GRAMD4: variants seen among roughly 807,000 people sequenced by gnomAD.
GRAMD4 encodes the protein GRAM domain-containing protein 4.
In GRAMD4, 25 loss-of-function variants were observed where a neutral mutation model predicts 83.9. The observed-to-expected ratio is 0.30, with a 90% CI of 0.22 to 0.42. The LOEUF is 0.42. Among genes scored for constraint, GRAMD4 ranks in the 10% least tolerant of loss-of-function variants. The pLI is 1.00. For synonymous variants in GRAMD4, 336 were observed against 320.9 expected (o/e 1.05, Z -0.50); for missense variants, 593 against 788.7 (o/e 0.75, Z 2.97).
At chr22:46,640,434 G>C (rs1291625900) in intron 3 of GRAMD4, among the ~76,000 whole-genome samples, 1 of 152,148 alleles carries the variant, frequency 6.6e-6, no homozygotes, top group Non-Finnish European at 1.5e-5. Flanking sequence ...GCAAAATGGA[G>C]ACAGCTGAAC....
chr22:46,668,268 G>T, intron 11 of GRAMD4, 101 bp downstream of exon 11: 2 of 742,830 alleles, frequency 2.7e-6, no homozygotes, highest in Non-Finnish European at 4.6e-6. Context: ...GCCGGCCTCC[G>T]CTGCTGCCTG....
rs781751569 is a variant in GRAMD4, at chr22:46,660,734, G to A, written c.405-647G>A. Among the ~76,000 whole-genome samples the A allele has an allele frequency of 1.8e-3, 274 of 152,208 alleles. 1 individual carries two copies. The highest frequency in any genetic ancestry group is 3.5e-3 in the Non-Finnish European group (239 of 68,020). On this transcript the variant is annotated intron_variant, in intron 4 of 18. Transcript: ENST00000406902. ...CCGTGCCCTGTGTGCCCTGTGCTCC[G>A]CCCTCTGTTCTCTTCTCAGGGTTTA...
At chr22:46,594,835 G>A (rs2081245393) in intron 1 of GRAMD4, among the ~76,000 whole-genome samples, 1 of 151,992 alleles carries the variant, frequency 6.6e-6, no homozygotes, top group South Asian at 2.1e-4. Context: ...GGGTGAGGAG[G>A]GGCGCCCCAC....
At chr22:46,665,521 C>A in intron 8 of GRAMD4, 94 bp from the exon 9 acceptor site, 1 of 697,250 alleles carries the variant, frequency 1.4e-6, no homozygotes, top group Non-Finnish European at 2.6e-6. Flanking sequence ...CCTGGTCTCC[C>A]CACTGGGGCC....
At chr22:46,648,699 C>CATGG (rs201041889) in intron 3 of GRAMD4, among the ~76,000 whole-genome samples, 8,703 of 118,062 alleles carry the variant, frequency 0.074, 485 homozygotes, top group African/African-American at 0.13. Context: ...TGGATGGATG[C>CATGG]ATGGATGGAT....
At chr22:46,640,879 A>G (rs900058006) in intron 3 of GRAMD4, among the ~76,000 whole-genome samples, 2 of 134,472 alleles carry the variant, frequency 1.5e-5, no homozygotes, top group Admixed American at 1.9e-4. Context: ...CTCTCATTTC[A>G]GCTGTAAATA....
At chr22:46,616,069 T>TGTGTAGGTTCCCCCAAGC (rs2081485604), upstream of GRAMD4, among the ~76,000 whole-genome samples, 1 of 134,986 alleles carries the variant, frequency 7.4e-6, no homozygotes, top group Non-Finnish European at 1.6e-5. Context: ...GGTTCCCCCG[T>TGTGTAGGTTCCCCCAAGC]GTGTAGGTTC....
rs144224839 is a variant in GRAMD4 at position 46,674,745 on chromosome 22, G to A, written c.1473G>A (p.Thr491=). The A allele has an allele frequency of 8.7e-3, 13,963 of 1,605,890 alleles. 93 individuals are homozygous for A. Among genetic ancestry groups the A allele is most frequent in the South Asian group, 0.011 (993 of 90,932 alleles). The change falls in exon 16 of 19, where the codon ACG becomes ACA. Residue 491 remains threonine (T), a synonymous_variant. Coordinates refer to ENST00000406902, the MANE Select transcript of GRAMD4 (RefSeq NM_015124.5). ...TCAGGAACGGGGTGCTCTACGTCACGGAGAAGTGAGTGCAGCCGTGGGGCC... is the reference window on the plus strand; with the variant it reads ...TCAGGAACGGGGTGCTCTACGTCACAGAGAAGTGAGTGCAGCCGTGGGGCC... ...DYIRNGVLYV[T]ENYLCFESSK...
At chr22:46,652,835 G>A (rs1265202834) in intron 3 of GRAMD4, among the ~76,000 whole-genome samples, 2 of 152,196 alleles carry the variant, frequency 1.3e-5, no homozygotes, top group East Asian at 1.9e-4. Context: ...TTCTTACTCG[G>A]GAAAGAGAAA....
rs145818314 is a variant in GRAMD4 at position 46,581,710 on chromosome 22, G to T, written c.-50+4420G>T. Among the ~76,000 whole-genome samples, 3 of 152,232 alleles carry T rather than the reference G, an allele frequency of 2.0e-5. No individual in the cohort carries two copies. The South Asian group carries it at 6.2e-4, about 31-fold the overall frequency. ...GGTGCTCTTGTTAGCTGCATTTCAC[G>T]CAGGAGGAAGCCCTGGCACAGAGCC... On this transcript the variant is annotated intron_variant, in intron 1 of 1. Transcript: ENST00000431155.
chr22:46,677,794 C>T lies in GRAMD4; in HGVS notation c.*543C>T, dbSNP rs889063077. 4.2e-5 allele frequency: 41 copies of T among 985,532 alleles called. No homozygotes were observed. Among genetic ancestry groups the T allele is most frequent in the African/African-American group, 7.0e-5 (4 of 57,236 alleles). The allele number at this position is 985,532 out of a possible 1,614,324, so 61.0% of individuals were successfully genotyped here. A position where few individuals can be genotyped will look rare whatever the true frequency, so the allele number is the denominator to read the frequency against. On this transcript the variant is annotated 3_prime_UTR_variant, in exon 19 of 19. Transcript: ENST00000406902. ...GGCCCTCCTTCCTCTTACATGAGACCCTCCTGTGGCATTTGCCCTTGGTGC... is the reference window on the plus strand; with the variant it reads ...GGCCCTCCTTCCTCTTACATGAGACTCTCCTGTGGCATTTGCCCTTGGTGC...
At chr22:46,614,228 C>T (rs2081446554) in intron 1 of GRAMD4, among the ~76,000 whole-genome samples, 1 of 152,228 alleles carries the variant, frequency 6.6e-6, no homozygotes, top group African/African-American at 2.4e-5. Context: ...GGCAGAAACG[C>T]TGTGCAATGA....
Position 46,654,238 on chromosome 22 carries a change from C to T in GRAMD4, c.284-3949C>T, listed in dbSNP as rs951581360. ...CCAGGCTCTCCTGGCTGTCAGTGGG[C>T]GTGTGACCCCTCGGAGGAAGGGTCC... On this transcript the variant is annotated intron_variant, in intron 3 of 18. Coordinates refer to ENST00000406902, the MANE Select transcript of GRAMD4 (RefSeq NM_015124.5). Among the ~76,000 whole-genome samples the T allele has an allele frequency of 5.9e-5, 9 of 152,176 alleles. No individual in the cohort carries two copies. The South Asian group carries it at 6.2e-4, about 10-fold the overall frequency.
intron 2 of GRAMD4, among the ~76,000 whole-genome samples, chr22:46,630,849 G>A (rs1024096776): frequency 6.6e-6 from 1 of 151,790 alleles, no homozygotes; most frequent in East Asian, 2.0e-4. Flanking sequence ...GCAGCTGTGC[G>A]GTGTGCCCTC....
At chr22:46,646,052 G>A (rs894900280) in intron 3 of GRAMD4, among the ~76,000 whole-genome samples, 2 of 152,180 alleles carry the variant, frequency 1.3e-5, no homozygotes, top group Non-Finnish European at 2.9e-5. Flanking sequence ...GGGGCTTCCC[G>A]GTTGCTAGGC....
chr22:46,646,535 A>G (rs1347137981), intron 3 of GRAMD4, among the ~76,000 whole-genome samples: 3 of 152,148 alleles, frequency 2.0e-5, no homozygotes, highest in Non-Finnish European at 4.4e-5. Context: ...CTTCCTTACC[A>G]TTGAAGTCTT....
intron 1 of GRAMD4, among the ~76,000 whole-genome samples, chr22:46,577,651 C>T (rs1265522060): frequency 6.6e-6 from 1 of 151,990 alleles, no homozygotes; most frequent in Non-Finnish European, 1.5e-5. Context: ...CGGTATCGGC[C>T]CGGGCCCGCC....
chr22:46,657,719 G>A (rs761775442), intron 3 of GRAMD4, among the ~76,000 whole-genome samples: 6 of 152,194 alleles, frequency 3.9e-5, no homozygotes, highest in Non-Finnish European at 8.8e-5. Flanking sequence ...TGAGCTGTGG[G>A]CTGTCCCCGC....
rs778595816 is a variant in GRAMD4, at chr22:46,668,887, C to T, written c.1063C>T (p.Arg355Cys). Residue 355 changes from arginine to cysteine, a missense_variant, in exon 13 of 19, where the codon CGC becomes TGC. Arg to Cys is a radical substitution (Grantham distance 180). Coordinates refer to ENST00000406902, the MANE Select transcript of GRAMD4 (RefSeq NM_015124.5). ...CCTGGCCTCCTGCTTCTTCCCCTAC[C>T]GCCTGGTGGGGCTTGCCGTGGGTAA... is the stretch of plus-strand genomic sequence containing the variant. ...AFLASCFFPY[R>C]LVGLAVGLYA... 16 of 1,606,148 alleles carry T rather than the reference C, an allele frequency of 1.0e-5. No homozygotes were observed. Among genetic ancestry groups the T allele is most frequent in the Admixed American group, 8.3e-5 (5 of 59,992 alleles).
Sources: gnomAD v4.1 joint callset for allele counts (sites outside exome capture counted in the v4.1 genomes callset) on GRCh38, gnomAD v4.1.1 for gene constraint, MANE v1.5 for transcripts, NCBI Gene and HGNC (gene_info 2026-07-23, HGNC 2026-07-21) for gene names.